MRPS9: variants seen among roughly 807,000 people sequenced by gnomAD.
The protein encoded by MRPS9 is mitochondrial ribosomal protein S9, also known as small ribosomal subunit protein uS9m.
Under a neutral mutation model 59.9 loss-of-function variants are expected in MRPS9, and 45 were observed. The ratio of observed to expected loss-of-function variants is 0.75; its 90% CI spans 0.59 to 0.96. MRPS9 has a LOEUF of 0.96. Among genes scored for constraint, MRPS9 ranks in the 40% least tolerant of loss-of-function variants. MRPS9 has a pLI of 0.00. For missense variants in MRPS9, 473 were observed against 481.1 expected (o/e 0.98, Z 0.16); for synonymous variants, 171 against 166.8 (o/e 1.03, Z -0.19).
Position 105,099,880 on chromosome 2 carries a change from G to A in MRPS9, c.*119G>A, listed in dbSNP as rs985652191. On this transcript the variant is annotated 3_prime_UTR_variant, in exon 11 of 11. Coordinates refer to ENST00000258455, the MANE Select transcript of MRPS9 (RefSeq NM_182640.3). ...GTACTGTCAGAAATTTCTTTGAGCT[G>A]TGAGATGGATTTATTTTTAAATGCT... The A allele has an allele frequency of 4.5e-6, 3 of 667,436 alleles. No individual in the cohort carries two copies. The highest frequency in any genetic ancestry group is 3.7e-5 in the African/African-American group (2 of 54,780). 41.3% of individuals were successfully genotyped at this position (667,436 alleles called of 1,614,324 possible).
At chr2:105,086,055 T>C (rs1358817250) in intron 5 of MRPS9, among the ~76,000 whole-genome samples, 4 of 152,200 alleles carry the variant, frequency 2.6e-5, no homozygotes, top group African/African-American at 7.2e-5. Flanking sequence ...GGTTTTATTA[T>C]GCAAAAGAGA....
In MRPS9 at chr2:105,039,776, A is replaced by G. The variant is rs1679469989; in HGVS notation, c.135+1549A>G. Among the ~76,000 whole-genome samples, 7 of 152,228 alleles carry G rather than the reference A, an allele frequency of 4.6e-5. No individual in the cohort carries two copies. The South Asian group carries it at 1.4e-3, about 31-fold the overall frequency. Reference sequence around the variant, plus strand: ...TTGTTTCTACTTTCTTTGCACTAATAAAGTTTCAGTAAACATCTGGTCTAG... The same window carrying G: ...TTGTTTCTACTTTCTTTGCACTAATGAAGTTTCAGTAAACATCTGGTCTAG... On this transcript the variant is annotated intron_variant, in intron 1 of 10. Transcript: ENST00000258455.
intron 1 of MRPS9, among the ~76,000 whole-genome samples, chr2:105,048,823 C>G: frequency 6.6e-6 from 1 of 151,880 alleles, no homozygotes; most frequent in Non-Finnish European, 1.5e-5. Context: ...GCCTTTTGCT[C>G]TTTATCCCAT....
At position 105,092,482 on chromosome 2, in the gene MRPS9, C is replaced by T. The variant is rs745797611; in HGVS notation, c.733C>T (p.Arg245Ter). The T allele has an allele frequency of 8.7e-6, 14 of 1,613,580 alleles. No individual in the cohort carries two copies. The highest frequency in any genetic ancestry group is 2.7e-5 in the African/African-American group (2 of 74,850). ...AAEEEFVQRFRRSVTLESKKQ... is the reference protein window; with the variant it reads ...AAEEEFVQRF Reference sequence around the variant, plus strand: ...TGAGGAAGAATTTGTGCAGAGGTTTCGAAGAAGTGTAACTCTTGAATCAAA... The same window carrying T: ...TGAGGAAGAATTTGTGCAGAGGTTTTGAAGAAGTGTAACTCTTGAATCAAA... Residue 245 changes from arginine (R) to a stop codon, truncating the protein, a stop_gained, in exon 8 of 11, where the codon CGA becomes TGA. Coordinates refer to ENST00000258455, the MANE Select transcript of MRPS9 (RefSeq NM_182640.3). LOFTEE classifies it high-confidence loss of function.
chr2:105,084,221 A>G (rs1011411803), intron 5 of MRPS9, among the ~76,000 whole-genome samples: 2 of 144,982 alleles, frequency 1.4e-5, no homozygotes, highest in African/African-American at 5.1e-5. Flanking sequence ...AAGGAGTTAC[A>G]TGGCCACAGA....
intron 2 of MRPS9, among the ~76,000 whole-genome samples, chr2:105,066,767 A>T (rs1008950537): frequency 1.3e-5 from 2 of 152,110 alleles, no homozygotes; most frequent in African/African-American, 2.4e-5. Flanking sequence ...TAAGATGCCA[A>T]CCAGCCTTGG....
chr2:105,056,075 A>G (rs1360284934), intron 2 of MRPS9, among the ~76,000 whole-genome samples: 1 of 152,178 alleles, frequency 6.6e-6, no homozygotes, highest in Non-Finnish European at 1.5e-5. Context: ...TGTTATTTGT[A>G]ATGAAAACTA....
intron 2 of MRPS9, among the ~76,000 whole-genome samples, chr2:105,059,827 C>T (rs1679862167): frequency 6.6e-6 from 1 of 151,962 alleles, no homozygotes; most frequent in Admixed American, 6.6e-5. Context: ...CTAGTAAGTG[C>T]CACACACGTT....
intron 5 of MRPS9, among the ~76,000 whole-genome samples, chr2:105,081,817 C>G (rs1293744880): frequency 6.6e-6 from 1 of 152,112 alleles, no homozygotes; most frequent in Non-Finnish European, 1.5e-5. Context: ...TATTTTAGTT[C>G]AATGCAGTAA....
intron 10 of MRPS9, chr2:105,099,218 A>G (rs560668689): frequency 3.9e-5 from 6 of 153,022 alleles, no homozygotes; most frequent in African/African-American, 1.4e-4. Flanking sequence ...CTGTTAATAG[A>G]TGGTATCTAA....
rs58438490 is a variant in MRPS9 at position 105,084,247 on chromosome 2, A to AATATATATATATATATATAT, written c.489+4188_489+4207dup. Among the ~76,000 whole-genome samples the AATATATATATATATATATAT allele has an allele frequency of 3.2e-3, 453 of 139,446 alleles. 5 individuals carry two copies. The highest frequency in any genetic ancestry group is 0.012 in the East Asian group (51 of 4,156). The allele number at this position is 139,446 out of a possible 152,430, so 91.5% of individuals were successfully genotyped here. ...TGGCCACAGATGAAATATATACCAA[A>AATATATATATATATATATAT]ATATATATATATATATATATATGTA... is the stretch of plus-strand genomic sequence containing the variant. On this transcript the variant is annotated intron_variant, in intron 5 of 10. Coordinates refer to ENST00000258455, the MANE Select transcript of MRPS9 (RefSeq NM_182640.3).
chr2:105,045,282 C>T (rs1361459514), intron 1 of MRPS9, among the ~76,000 whole-genome samples: 1 of 148,200 alleles, frequency 6.7e-6, no homozygotes, highest in Non-Finnish European at 1.5e-5. Context: ...AAAATGAGAG[C>T]AAGCTGTATA....
At chr2:105,099,489 A>G (rs1382833521) in intron 10 of MRPS9, among the ~76,000 whole-genome samples, 181 bp from the exon 11 acceptor site, 1 of 152,240 alleles carries the variant, frequency 6.6e-6, no homozygotes, top group African/African-American at 2.4e-5. Flanking sequence ...AAATATCCTG[A>G]AAGAGTGGAA....
intron 8 of MRPS9, among the ~76,000 whole-genome samples, chr2:105,093,104 C>T (rs1680592524): frequency 6.6e-6 from 1 of 152,044 alleles, no homozygotes; most frequent in South Asian, 2.1e-4. Flanking sequence ...GAAATGTGAC[C>T]TTTCCTGAGT....
intron 1 of MRPS9, among the ~76,000 whole-genome samples, chr2:105,043,970 C>T (rs1679547780): frequency 6.8e-6 from 1 of 146,436 alleles, no homozygotes; most frequent in African/African-American, 2.5e-5. Context: ...GAGTCTTGCT[C>T]TGTTGCCCAG....
At chr2:105,090,221 G>A (rs1045609402) in intron 7 of MRPS9, among the ~76,000 whole-genome samples, 5 of 152,178 alleles carry the variant, frequency 3.3e-5, no homozygotes, top group Non-Finnish European at 5.9e-5. Flanking sequence ...GTGACTTGTC[G>A]AGTCTCCAAG....
At chr2:105,082,517 C>T (rs1176942663) in intron 5 of MRPS9, among the ~76,000 whole-genome samples, 1 of 152,158 alleles carries the variant, frequency 6.6e-6, no homozygotes, top group African/African-American at 2.4e-5. Flanking sequence ...AAAAGATGGC[C>T]CTGATGCACC....
At chr2:105,044,453 G>A (rs1386084715) in intron 1 of MRPS9, among the ~76,000 whole-genome samples, 1 of 152,130 alleles carries the variant, frequency 6.6e-6, no homozygotes, top group South Asian at 2.1e-4. Flanking sequence ...CTGATGCTGT[G>A]ATAACTTTGT....
chr2:105,091,493 G>T (rs2104468523), intron 7 of MRPS9: 4 of 400,546 alleles, frequency 1.0e-5, no homozygotes, highest in South Asian at 7.4e-5. Context: ...ATCATAGGAA[G>T]CTGTAGTCAA....
Sources: allele counts gnomAD v4.1 joint callset (sites outside exome capture counted in the v4.1 genomes callset), GRCh38; gene constraint gnomAD v4.1.1; transcripts MANE v1.5; gene names NCBI Gene and HGNC (gene_info 2026-07-23, HGNC 2026-07-21).